Variants in CHN2 observed in about 807,000 individuals in gnomAD.
The protein encoded by CHN2 is beta-chimaerin.
In CHN2, 35 loss-of-function variants were observed where a neutral mutation model predicts 56.3. That is an observed-to-expected ratio of 0.62 (90% confidence interval 0.47 to 0.82). CHN2 has a LOEUF of 0.82. Among genes scored for constraint, CHN2 ranks in the 40% least tolerant of loss-of-function variants. The probability of loss-of-function intolerance (pLI) is 0.00; values close to 1 mark genes in which losing one functional copy is unlikely to be tolerated. For missense variants in CHN2, 491 were observed against 580.5 expected (o/e 0.85, Z 1.58); for synonymous variants, 210 against 212.8 (o/e 0.99, Z 0.12).
chr7:29,289,791 C>T (rs1346603322), intron 1 of CHN2, among the ~76,000 whole-genome samples: 1 of 152,216 alleles, frequency 6.6e-6, no homozygotes, highest in Admixed American at 6.5e-5. Context: ...TGGCTACTTA[C>T]ATATGCATTT....
intron 3 of CHN2, among the ~76,000 whole-genome samples, chr7:29,382,800 C>A (rs1402383059): frequency 6.6e-6 from 1 of 152,172 alleles, no homozygotes; most frequent in African/African-American, 2.4e-5. Context: ...TTTTGCCAGG[C>A]TAAGGCATAG....
intron 1 of CHN2, among the ~76,000 whole-genome samples, chr7:29,254,062 G>A (rs938214412): frequency 3.9e-5 from 6 of 152,112 alleles, no homozygotes; most frequent in Non-Finnish European, 8.8e-5. Flanking sequence ...GCGCCACTGC[G>A]CCCAGCTGAT....
intron 6 of CHN2, among the ~76,000 whole-genome samples, chr7:29,412,383 G>A (rs1270619844): frequency 1.1e-4 from 15 of 134,144 alleles, no homozygotes; most frequent in Admixed American, 1.0e-3. Flanking sequence ...CCAGGCTGGA[G>A]TGCAGTGGTG....
chr7:29,225,043 C>G (rs934472126), intron 1 of CHN2, among the ~76,000 whole-genome samples: 1 of 152,244 alleles, frequency 6.6e-6, no homozygotes, highest in East Asian at 1.9e-4. Flanking sequence ...TTGTAGCCTG[C>G]CTGAGTTGAC....
At chr7:29,335,066 G>A (rs934920222) in intron 1 of CHN2, among the ~76,000 whole-genome samples, 1 of 152,134 alleles carries the variant, frequency 6.6e-6, no homozygotes, top group African/African-American at 2.4e-5. Context: ...GACATAAAAG[G>A]CATCTAAAAA....
At chr7:29,480,503 G>A (rs555351908) in intron 7 of CHN2, 147 bp downstream of exon 7, 8 of 842,686 alleles carry the variant, frequency 9.5e-6, no homozygotes, top group East Asian at 5.3e-5. Context: ...TAACACCTGC[G>A]CTTTCTGTCA....
At chr7:29,375,906 G>A (rs2128051346) in intron 3 of CHN2, among the ~76,000 whole-genome samples, 1 of 152,316 alleles carries the variant, frequency 6.6e-6, no homozygotes, top group Non-Finnish European at 1.5e-5. Context: ...AGGAAAAGGA[G>A]CAGGTGCATA....
At chr7:29,205,057 A>T (rs190659659) in intron 1 of CHN2, among the ~76,000 whole-genome samples, 1 of 152,374 alleles carries the variant, frequency 6.6e-6, no homozygotes, top group Admixed American at 6.5e-5. Flanking sequence ...AATGCACAAC[A>T]GCCTTTCAGG....
chr7:29,146,731 CG>C lies in CHN2; in HGVS notation c.152del (p.Gly51ValfsTer25). The C allele has an allele frequency of 6.4e-7, 1 of 1,550,482 alleles. No individual in the cohort carries two copies. The highest frequency in any genetic ancestry group is 1.7e-4 in the Middle Eastern group (1 of 5,992). On this transcript the variant is annotated frameshift_variant, in exon 1 of 7. Coordinates refer to the CHN2 transcript ENST00000439384. LOFTEE classifies it high-confidence loss of function. The stretch of plus-strand genomic sequence containing the variant: ...CTTAAAAATTAATGAAGAGCATCGG[CG>C]GGGTGCCATTCAGGTTGGTTTGTCC...
At chr7:29,229,069 C>T (rs1009192380) in intron 1 of CHN2, among the ~76,000 whole-genome samples, 2 of 152,188 alleles carry the variant, frequency 1.3e-5, no homozygotes, top group Admixed American at 6.5e-5. Flanking sequence ...CTGTGGCCCC[C>T]TCACCTGGAC....
At chr7:29,154,835 T>C (rs1241357292) in intron 2 of CHN2, among the ~76,000 whole-genome samples, 1 of 152,026 alleles carries the variant, frequency 6.6e-6, no homozygotes, top group Non-Finnish European at 1.5e-5. Context: ...ACTCCGTGTA[T>C]TAGTCCATTT....
intron 6 of CHN2, among the ~76,000 whole-genome samples, chr7:29,430,288 C>T (rs1562600574): frequency 6.6e-6 from 1 of 152,176 alleles, no homozygotes; most frequent in Non-Finnish European, 1.5e-5. Context: ...GGCCTACCCC[C>T]TTGATTTGGT....
intron 6 of CHN2, among the ~76,000 whole-genome samples, chr7:29,462,826 A>T (rs927425424): frequency 1.3e-5 from 2 of 151,738 alleles, no homozygotes; most frequent in Non-Finnish European, 2.9e-5. Flanking sequence ...CAGGTTTGTT[A>T]CATATGTATA....
intron 1 of CHN2, among the ~76,000 whole-genome samples, chr7:29,347,607 C>G (rs760705269): frequency 1.3e-5 from 2 of 152,132 alleles, no homozygotes; most frequent in Non-Finnish European, 2.9e-5. Context: ...GGGAAACCAC[C>G]CCCATGATCC....
intron 1 of CHN2, among the ~76,000 whole-genome samples, chr7:29,342,198 G>C (rs1252083204): frequency 2.0e-5 from 3 of 152,188 alleles, no homozygotes; most frequent in African/African-American, 7.2e-5. Flanking sequence ...GTAGATGGAT[G>C]AGGGGATGGC....
At chr7:29,357,400 G>A (rs1798392663) in intron 2 of CHN2, among the ~76,000 whole-genome samples, 1 of 152,088 alleles carries the variant, frequency 6.6e-6, no homozygotes, top group Non-Finnish European at 1.5e-5. Context: ...TGGTCATCCT[G>A]GATCCATGAG....
intron 1 of CHN2, among the ~76,000 whole-genome samples, chr7:29,330,024 T>G (rs2128902796): frequency 6.6e-6 from 1 of 152,318 alleles, no homozygotes; most frequent in East Asian, 1.9e-4. Context: ...GACTATAAAC[T>G]CCTTGAAGGT....
At chr7:29,189,300 A>G (rs1421047745) in intron 2 of CHN2, among the ~76,000 whole-genome samples, 1 of 152,130 alleles carries the variant, frequency 6.6e-6, no homozygotes, top group Non-Finnish European at 1.5e-5. Context: ...TCCCTGGCAC[A>G]TAATGAGTGT....
At chr7:29,410,342 T>C (rs1803086568) in intron 6 of CHN2, among the ~76,000 whole-genome samples, 1 of 152,106 alleles carries the variant, frequency 6.6e-6, no homozygotes, top group Admixed American at 6.5e-5. Flanking sequence ...GGTTTTTGGC[T>C]GTGAGTAAAA....
Sources: allele counts gnomAD v4.1 joint callset (sites outside exome capture counted in the v4.1 genomes callset), GRCh38; gene constraint gnomAD v4.1.1; transcripts MANE v1.5; gene names NCBI Gene and HGNC (gene_info 2026-07-23, HGNC 2026-07-21).